AKAP6: variants seen among roughly 807,000 people sequenced by gnomAD.
AKAP6 encodes the protein A-kinase anchor protein 6.
AKAP6 carries 58 observed loss-of-function variants against 188.5 expected under a neutral mutation model. The observed-to-expected ratio is 0.31, with a 90% CI of 0.25 to 0.38. The LOEUF is 0.38. Ranked by LOEUF, AKAP6 falls within the 10% of genes least tolerant of loss-of-function variation. The pLI is 1.00. For synonymous variants in AKAP6, 989 were observed against 998.6 expected, an observed-to-expected ratio of 0.99 and a Z score of 0.18; for missense variants, 2,710 against 2,740.0, an observed-to-expected ratio of 0.99 and a Z score of 0.24.
chr14:32,650,338 C>T (rs965405141), intron 7 of AKAP6, among the ~76,000 whole-genome samples: 2 of 152,144 alleles, frequency 1.3e-5, no homozygotes, highest in South Asian at 2.1e-4. Flanking sequence ...TACAGCCGGG[C>T]GCAGTGTCTC....
At chr14:32,466,847 T>TATATATATATATATATATATATA (rs1555331133) in intron 2 of AKAP6, among the ~76,000 whole-genome samples, 5 of 77,840 alleles carry the variant, frequency 6.4e-5, no homozygotes, top group African/African-American at 1.2e-4. Context: ...ATATATATAT[T>TATATATATATATATATATATATA]TTCTTTCTTA....
At chr14:32,591,837 G>C (rs995633741) in intron 5 of AKAP6, among the ~76,000 whole-genome samples, 1 of 152,100 alleles carries the variant, frequency 6.6e-6, no homozygotes, top group African/African-American at 2.4e-5. Flanking sequence ...ACTTCATTTT[G>C]TTGGGGAAAT....
intron 12 of AKAP6, among the ~76,000 whole-genome samples, chr14:32,790,463 A>G (rs2033573688): frequency 6.6e-6 from 1 of 152,200 alleles, no homozygotes; most frequent in Admixed American, 6.5e-5. Context: ...TGTTAAGGGC[A>G]GCCAGAGAGA....
intron 2 of AKAP6, among the ~76,000 whole-genome samples, chr14:32,505,398 C>G (rs1330166154): frequency 6.6e-6 from 1 of 151,474 alleles, no homozygotes; most frequent in African/African-American, 2.4e-5. Context: ...AGGGACTTCT[C>G]AGGCACAAAA....
chr14:32,546,744 T>C lies in AKAP6; in HGVS notation c.2091T>C (p.Ser697=). The change falls in exon 4 of 14, where the codon TCT becomes TCC. Residue 697 remains serine, a synonymous_variant. Coordinates refer to ENST00000280979, the MANE Select transcript of AKAP6 (RefSeq NM_004274.5). ...AGCATACAAGGCTAGGCAGGGTGTC[T>C]CCAAGCTCATCTAGTGACATAGCCT... ...KKKHTRLGRV[S]PSSSSDIASS... 2 of 1,614,076 alleles carry C rather than the reference T, an allele frequency of 1.2e-6. No homozygotes were observed. The highest frequency in any genetic ancestry group is 1.7e-6 in the Non-Finnish European group (2 of 1,179,998).
chr14:32,691,722 C>G (rs556957397), intron 8 of AKAP6, among the ~76,000 whole-genome samples: 20 of 152,128 alleles, frequency 1.3e-4, no homozygotes, highest in African/African-American at 4.8e-4. Flanking sequence ...CCATGCCTGG[C>G]TGATTTTTGT....
chr14:32,743,235 A>G lies in AKAP6; in HGVS notation c.3372+7353A>G, dbSNP rs142540510. 4.6e-5 allele frequency among the ~76,000 whole-genome samples: 7 copies of G among 152,116 alleles called. No homozygotes were observed. In the East Asian group the frequency reaches 1.2e-3, roughly 25 times the overall value. On this transcript the variant is annotated intron_variant, in intron 11 of 13. Transcript: ENST00000280979. ...TGGCATGGAATCTTTTTCTGTCCCT[A>G]TACTTTCAGTCTATGTGTATCTTTA...
At chr14:32,630,344 A>G (rs1887215539) in intron 7 of AKAP6, among the ~76,000 whole-genome samples, 1 of 152,070 alleles carries the variant, frequency 6.6e-6, no homozygotes. Flanking sequence ...ATTTTTTTTC[A>G]ACTATAATAA....
At chr14:32,615,105 G>T (rs1886507699) in intron 7 of AKAP6, among the ~76,000 whole-genome samples, 1 of 139,800 alleles carries the variant, frequency 7.2e-6, no homozygotes, top group Non-Finnish European at 1.5e-5. Flanking sequence ...GGCAGCAGAG[G>T]TTGCAGTGAG....
At chr14:32,784,092 T>C (rs1204952223) in intron 12 of AKAP6, among the ~76,000 whole-genome samples, 2 of 152,180 alleles carry the variant, frequency 1.3e-5, no homozygotes, top group African/African-American at 2.4e-5. Context: ...AAATGGGCTA[T>C]GAAAAGCAAT....
chr14:32,345,316 A>C (rs775635929), intron 1 of AKAP6, among the ~76,000 whole-genome samples: 5 of 152,232 alleles, frequency 3.3e-5, no homozygotes, highest in Admixed American at 1.3e-4. Context: ...ATGTGTAAGC[A>C]GACACAGGGG....
At chr14:32,772,118 A>C (rs145642690) in intron 11 of AKAP6, among the ~76,000 whole-genome samples, 3 of 152,164 alleles carry the variant, frequency 2.0e-5, no homozygotes, top group Admixed American at 2.0e-4. Flanking sequence ...GAGAACATGC[A>C]CGTGGGGTTG....
rs114922378 is a variant in AKAP6 at position 32,595,820 on chromosome 14, T to C, written c.2470-3590T>C. Among the ~76,000 whole-genome samples, 581 of 152,280 alleles carry C rather than the reference T, an allele frequency of 3.8e-3. 4 individuals are homozygous for C. The highest frequency in any genetic ancestry group is 0.013 in the African/African-American group (545 of 41,558). ...TATACACTAAACCCTAATCACACAT[T>C]TATTCTACGCTGGGTCTTATAAAGC... On this transcript the variant is annotated intron_variant, in intron 5 of 13. Transcript: ENST00000280979.
chr14:32,731,108 A>G (rs946473358), intron 9 of AKAP6, among the ~76,000 whole-genome samples: 44 of 152,156 alleles, frequency 2.9e-4, no homozygotes, highest in African/African-American at 1.1e-3. Flanking sequence ...GCTTTAAATC[A>G]CCTCATTTAA....
chr14:32,406,411 T>C (rs1250629501), intron 1 of AKAP6, among the ~76,000 whole-genome samples: 1 of 152,158 alleles, frequency 6.6e-6, no homozygotes, highest in African/African-American at 2.4e-5. Flanking sequence ...GGTTTCCCTA[T>C]GTTGGCCAGG....
chr14:32,391,176 C>T (rs1259774361), intron 1 of AKAP6, among the ~76,000 whole-genome samples: 5 of 152,124 alleles, frequency 3.3e-5, no homozygotes, highest in Non-Finnish European at 5.9e-5. Flanking sequence ...TCAGATTGTT[C>T]AATGTCAGCT....
chr14:32,344,865 G>A (rs568426944), intron 1 of AKAP6, among the ~76,000 whole-genome samples: 4 of 147,956 alleles, frequency 2.7e-5, no homozygotes, highest in Non-Finnish European at 5.9e-5. Context: ...GCAGTGAGCC[G>A]AGATAGCACC....
chr14:32,671,911 G>T lies in AKAP6; in HGVS notation c.2731-6400G>T, dbSNP rs1003128641. On this transcript the variant is annotated intron_variant, in intron 7 of 13. Coordinates refer to ENST00000280979, the MANE Select transcript of AKAP6 (RefSeq NM_004274.5). ...ATTAGCAAAAAGCAAACTAAAAATT[G>T]CTTTTTATGACAAAGATAAAGCATT... Among the ~76,000 whole-genome samples, 12 of 152,136 alleles carry T rather than the reference G, an allele frequency of 7.9e-5. 1 individual carries two copies. The highest frequency in any genetic ancestry group is 3.3e-4 in the Admixed American group (5 of 15,264).
At chr14:32,450,310 A>G in intron 2 of AKAP6, among the ~76,000 whole-genome samples, 1 of 151,940 alleles carries the variant, frequency 6.6e-6, no homozygotes, top group South Asian at 2.1e-4. Flanking sequence ...GTGAGCTGGG[A>G]TGTGTGTGTG....
Sources: allele counts gnomAD v4.1 joint callset (sites outside exome capture counted in the v4.1 genomes callset), GRCh38; gene constraint gnomAD v4.1.1; transcripts MANE v1.5; gene names NCBI Gene and HGNC (gene_info 2026-07-23, HGNC 2026-07-21).